Variants in SSUH2 observed in about 807,000 individuals in gnomAD.
SSUH2 encodes protein SSUH2 homolog.
SSUH2 carries 47 observed loss-of-function variants against 55.3 expected under a neutral mutation model. The ratio of observed to expected loss-of-function variants is 0.85; its 90% CI spans 0.67 to 1.08. The LOEUF (loss-of-function observed/expected upper bound fraction) is 1.08, where lower values mean the gene tolerates loss of function less well. Among genes scored for constraint, SSUH2 ranks in the 50% least tolerant of loss-of-function variants. The probability of loss-of-function intolerance (pLI) is 0.00; values close to 1 mark genes in which losing one functional copy is unlikely to be tolerated. For missense variants in SSUH2, 535 were observed against 490.7 expected (o/e 1.09, Z -0.85); for synonymous variants, 212 against 191.5 (o/e 1.11, Z -0.89).
At chr3:8,677,446 T>C (rs538247612) in intron 2 of SSUH2, 5 of 150,754 alleles carry the variant, frequency 3.3e-5, no homozygotes, top group South Asian at 2.1e-4. Context: ...CAAGCCTTTC[T>C]ATGAGGTCAC....
chr3:8,637,255 G>C (rs73125157), intron 1 of SSUH2, among the ~76,000 whole-genome samples: 15,809 of 152,148 alleles, frequency 0.1, 1,508 homozygotes, highest in African/African-American at 0.25. Context: ...ACTGTAGGTG[G>C]AGTAGTATCT....
At chr3:8,620,053 G>A in intron 11 of SSUH2, 39 bp from the exon 12 acceptor site, 2 of 1,608,386 alleles carry the variant, frequency 1.2e-6, no homozygotes, top group Non-Finnish European at 1.7e-6. Context: ...TCAGTGTTCT[G>A]TTCAAGTCAC....
chr3:8,642,853 A>C (rs1701085415), intron 1 of SSUH2, among the ~76,000 whole-genome samples: 1 of 152,054 alleles, frequency 6.6e-6, no homozygotes, highest in Admixed American at 6.5e-5. Context: ...AAAAAAATCT[A>C]CCTGGTTTCT....
intron 5 of SSUH2, chr3:8,663,885 G>C: frequency 2.2e-6 from 1 of 455,596 alleles, no homozygotes; most frequent in South Asian, 1.6e-5. Context: ...TCTTCTAGCT[G>C]CACTGCACAA....
At chr3:8,674,848 T>C (rs1705048824) in intron 3 of SSUH2, among the ~76,000 whole-genome samples, 1 of 146,346 alleles carries the variant, frequency 6.8e-6, no homozygotes, top group Non-Finnish European at 1.5e-5. Context: ...AGACAAGCTC[T>C]GGCCAAGCGG....
At chr3:8,647,347 G>A (rs1359574336), upstream of SSUH2, among the ~76,000 whole-genome samples, 1 of 152,242 alleles carries the variant, frequency 6.6e-6, no homozygotes, top group African/African-American at 2.4e-5. Flanking sequence ...AGTGAGAAGA[G>A]TTTCTTGCCT....
At chr3:8,650,894 C>T (rs1252622458) in intron 7 of SSUH2, among the ~76,000 whole-genome samples, 3 of 152,204 alleles carry the variant, frequency 2.0e-5, no homozygotes, top group Admixed American at 2.0e-4. Flanking sequence ...TCTGTGGTTC[C>T]GGCTGCTGTC....
At chr3:8,680,743 A>G (rs138097656) in intron 1 of SSUH2, among the ~76,000 whole-genome samples, 1 of 152,034 alleles carries the variant, frequency 6.6e-6, no homozygotes, top group South Asian at 2.1e-4. Context: ...CATCTCACAC[A>G]GGGGTGTATA....
At chr3:8,671,804 C>G (rs921383031) in intron 4 of SSUH2, 3 of 151,376 alleles carry the variant, frequency 2.0e-5, no homozygotes, top group South Asian at 2.1e-4. Context: ...ATATCACCCC[C>G]CCTCTCCCCA....
chr3:8,669,371 G>A (rs74571581), intron 5 of SSUH2, among the ~76,000 whole-genome samples: 196 of 152,270 alleles, frequency 1.3e-3, no homozygotes, highest in African/African-American at 4.5e-3. Flanking sequence ...AAGTAAGGGA[G>A]AACAGAAGAA....
rs568576783 is a variant in SSUH2, at chr3:8,661,826, C to T, written c.-396+1918G>A. 5.3e-5 allele frequency among the ~76,000 whole-genome samples: 8 copies of T among 152,298 alleles called. No individual in the cohort carries two copies. The East Asian group carries it at 5.8e-4, about 11-fold the overall frequency. On this transcript the variant is annotated intron_variant, in intron 6 of 18. Coordinates refer to the SSUH2 transcript ENST00000317371. Reference sequence around the variant, plus strand: ...ACCCAAATCTCATCTTGAATTGTAGCTCCCATAATTCCCATGTGTTTTGGG... The same window carrying T: ...ACCCAAATCTCATCTTGAATTGTAGTTCCCATAATTCCCATGTGTTTTGGG...
chr3:8,677,151 C>CT (rs1323167491), intron 3 of SSUH2: 2 of 152,258 alleles, frequency 1.3e-5, no homozygotes, highest in Non-Finnish European at 2.9e-5. Context: ...GCCAGCCCCT[C>CT]TTCCCCCCCT....
chr3:8,649,163 G>T (rs558030848), upstream of SSUH2, among the ~76,000 whole-genome samples: 5 of 152,288 alleles, frequency 3.3e-5, 1 homozygote, highest in South Asian at 1.0e-3. Flanking sequence ...GATCCCAAGA[G>T]CACCCCCAGC....
intron 1 of SSUH2, among the ~76,000 whole-genome samples, chr3:8,680,044 C>T (rs1451043193): frequency 6.6e-6 from 1 of 152,088 alleles, no homozygotes; most frequent in African/African-American, 2.4e-5. Context: ...GCAGCCCCAG[C>T]CCTGGGGCTA....
chr3:8,656,127 G>A (rs1213754943), intron 7 of SSUH2, among the ~76,000 whole-genome samples: 1 of 152,196 alleles, frequency 6.6e-6, no homozygotes, highest in South Asian at 2.1e-4. Flanking sequence ...AAAAGAGAAA[G>A]AGAGAGACCA....
Position 8,620,053 on chromosome 3 carries a change from G to C in SSUH2, c.982-39C>G. ...TAGCCAAGGAAAATGTCAGTGTTCT[G>C]TTCAAGTCACTCACCTGCTCAGGAA... is the stretch of plus-strand genomic sequence containing the variant. On this transcript the variant is annotated intron_variant, in intron 11 of 11. Transcript: ENST00000544814. 4 of 1,608,386 alleles carry C rather than the reference G, an allele frequency of 2.5e-6. No individual in the cohort carries two copies. In the South Asian group the frequency reaches 3.3e-5, roughly 13 times the overall value.
chr3:8,622,224 C>T (rs189942957), intron 11 of SSUH2, among the ~76,000 whole-genome samples: 106 of 152,158 alleles, frequency 7.0e-4, no homozygotes, highest in Non-Finnish European at 1.2e-3. Context: ...GGACCAAAGG[C>T]AAAATTAGAA....
intron 7 of SSUH2, chr3:8,651,930 C>A (rs1702458456): frequency 6.6e-6 from 1 of 152,560 alleles, no homozygotes; most frequent in Admixed American, 6.5e-5. Flanking sequence ...ACACACACCT[C>A]CTGCCAATCT....
At chr3:8,644,339 C>T (rs894404304) in intron 1 of SSUH2, among the ~76,000 whole-genome samples, 7 of 152,108 alleles carry the variant, frequency 4.6e-5, no homozygotes, top group African/African-American at 1.4e-4. Flanking sequence ...GAGCAGGAGA[C>T]ACTGTCAACT....
Sources: gnomAD v4.1 joint callset for allele counts (sites outside exome capture counted in the v4.1 genomes callset) on GRCh38, gnomAD v4.1.1 for gene constraint, MANE v1.5 for transcripts, NCBI Gene and HGNC (gene_info 2026-07-23, HGNC 2026-07-21) for gene names.